TENM2: variants seen among roughly 807,000 people sequenced by gnomAD.
TENM2 encodes teneurin transmembrane protein 2.
A neutral mutation model predicts 245.2 loss-of-function variants in TENM2; 52 were observed. The observed-to-expected ratio is 0.21, with a 90% CI of 0.17 to 0.27. TENM2 has a LOEUF of 0.27. Among genes scored for constraint, TENM2 ranks in the 10% least tolerant of loss-of-function variants. TENM2 has a pLI of 1.00. For missense variants in TENM2, 3,046 were observed against 3,666.8 expected (o/e 0.83, Z 4.37); for synonymous variants, 1,363 against 1,438.9 (o/e 0.95, Z 1.19).
At chr5:167,869,469 A>G (rs1462350096) in intron 2 of TENM2, among the ~76,000 whole-genome samples, 1 of 152,214 alleles carries the variant, frequency 6.6e-6, no homozygotes, top group Non-Finnish European at 1.5e-5. Flanking sequence ...TGAACAACTG[A>G]CAGTGTGGGT....
At chr5:167,568,304 A>C (rs1181112832) in intron 2 of TENM2, among the ~76,000 whole-genome samples, 2 of 152,168 alleles carry the variant, frequency 1.3e-5, no homozygotes, top group African/African-American at 4.8e-5. Flanking sequence ...AAAGGAAAAC[A>C]TAGGGAGATA....
intron 2 of TENM2, among the ~76,000 whole-genome samples, chr5:167,534,956 G>A (rs1582316206): frequency 6.6e-6 from 1 of 152,124 alleles, no homozygotes; most frequent in East Asian, 1.9e-4. Flanking sequence ...ATCTTTGTCA[G>A]TTGGCAGCAT....
At chr5:167,689,409 A>T (rs1051644617) in intron 2 of TENM2, among the ~76,000 whole-genome samples, 1 of 152,230 alleles carries the variant, frequency 6.6e-6, no homozygotes, top group Non-Finnish European at 1.5e-5. Context: ...TAGGAACCTC[A>T]GTACACACAC....
chr5:167,589,577 T>C (rs1775741073), intron 2 of TENM2, among the ~76,000 whole-genome samples: 1 of 152,008 alleles, frequency 6.6e-6, no homozygotes, highest in Non-Finnish European at 1.5e-5. Flanking sequence ...TTTTAAACTA[T>C]AAAAGTAGAA....
intron 1 of TENM2, among the ~76,000 whole-genome samples, chr5:167,298,157 G>A (rs12055340): frequency 0.095 from 14,458 of 152,162 alleles, 921 homozygotes; most frequent in Middle Eastern, 0.16. Context: ...GGGCTGCCTC[G>A]AGCGGGATTG....
chr5:167,583,508 A>ACC (rs1322017771), intron 2 of TENM2, among the ~76,000 whole-genome samples: 3 of 151,288 alleles, frequency 2.0e-5, no homozygotes, highest in Non-Finnish European at 4.4e-5. Context: ...ACACACACAC[A>ACC]CACCCCAAAC....
At chr5:168,184,395 CA>C (rs2152497403) in intron 13 of TENM2, among the ~76,000 whole-genome samples, 1 of 152,294 alleles carries the variant, frequency 6.6e-6, no homozygotes, top group East Asian at 1.9e-4. Context: ...CCATCTCCAC[CA>C]CTCTGTCACA....
At chr5:167,011,099 A>G in the TENM2 span, among the ~76,000 whole-genome samples, 1 of 152,220 alleles carries the variant, frequency 6.6e-6, no homozygotes, top group East Asian at 1.9e-4. Flanking sequence ...ACATATTGAC[A>G]TATAAATTAT....
intron 1 of TENM2, among the ~76,000 whole-genome samples, chr5:167,321,902 C>T (rs1045942529): frequency 6.8e-6 from 1 of 147,388 alleles, no homozygotes; most frequent in African/African-American, 2.5e-5. Flanking sequence ...GATCTCGGCT[C>T]ACTGCAACCT....
chr5:167,195,145 C>G, the TENM2 span, among the ~76,000 whole-genome samples: 278 of 152,014 alleles, frequency 1.8e-3, no homozygotes, highest in African/African-American at 6.1e-3. Context: ...AAAAGTGCCC[C>G]CACCAGAAAA....
At chr5:168,095,268 A>T (rs1793271298) in intron 8 of TENM2, among the ~76,000 whole-genome samples, 1 of 152,110 alleles carries the variant, frequency 6.6e-6, no homozygotes, top group Non-Finnish European at 1.5e-5. Flanking sequence ...TCCCTGGATG[A>T]TCCATCTCTC....
Position 168,244,708 on chromosome 5 carries a change from C to T in TENM2, c.5809C>T (p.Leu1937Phe). Residue 1937 changes from leucine (L) to phenylalanine (F), a missense_variant, in exon 26 of 29, where the codon CTT (leucine) becomes TTT (phenylalanine). Around this residue, in one of 2 missense-constraint regions of TENM2, gnomAD observed 2,704 missense variants for 3,331.9 expected, o/e 0.81. Transcript: ENST00000518659. The surrounding 1 kb of genome is among the most constrained non-coding windows in gnomAD (Gnocchi z 4.9). Reference sequence around the variant, plus strand: ...CGGGAAAGTGTGGAGCTACTCCTACCTTGACAAGGTAGGTGAACATGCTGC... The same window carrying T: ...CGGGAAAGTGTGGAGCTACTCCTACTTTGACAAGGTAGGTGAACATGCTGC... 6.9e-7 allele frequency: 1 copy of T among 1,455,648 alleles called. No individual in the cohort carries two copies. The highest frequency in any genetic ancestry group is 1.4e-5 in the African/African-American group (1 of 70,310). The allele number at this position is 1,455,648 out of a possible 1,614,324, so 90.2% of individuals were successfully genotyped here.
the TENM2 span, among the ~76,000 whole-genome samples, chr5:167,232,601 G>A: frequency 6.6e-6 from 1 of 152,128 alleles, no homozygotes; most frequent in Non-Finnish European, 1.5e-5. Context: ...TCAAACTCCT[G>A]ACCTTGTGAT....
chr5:167,701,993 A>G (rs1009731471), intron 2 of TENM2, among the ~76,000 whole-genome samples: 7 of 152,164 alleles, frequency 4.6e-5, no homozygotes, highest in Non-Finnish European at 1.0e-4. Flanking sequence ...GCTTTAATCA[A>G]CCCATCAGGC....
chr5:168,001,146 C>G (rs1439762309), intron 5 of TENM2, among the ~76,000 whole-genome samples: 1 of 152,202 alleles, frequency 6.6e-6, no homozygotes, highest in African/African-American at 2.4e-5. Flanking sequence ...CCTAGCTTCA[C>G]TGTTCCCCTA....
chr5:167,066,743 T>C, the TENM2 span, among the ~76,000 whole-genome samples: 1 of 152,150 alleles, frequency 6.6e-6, no homozygotes, highest in Admixed American at 6.6e-5. Flanking sequence ...ATTTCAAATT[T>C]CCTGAAAATG....
chr5:167,290,950 C>A (rs1344023901), intron 1 of TENM2, among the ~76,000 whole-genome samples: 1 of 152,028 alleles, frequency 6.6e-6, no homozygotes, highest in Non-Finnish European at 1.5e-5. Flanking sequence ...ACTTTATGGG[C>A]AATAATTTGG....
chr5:168,118,202 C>T (rs1795219201), intron 9 of TENM2, 90 bp from the exon 12 acceptor site: 2 of 1,136,714 alleles, frequency 1.8e-6, no homozygotes, highest in African/African-American at 3.1e-5. Flanking sequence ...AGCCAAGCCC[C>T]AAGGCCAGAC....
At chr5:167,157,685 A>G in the TENM2 span, among the ~76,000 whole-genome samples, 2 of 152,248 alleles carry the variant, frequency 1.3e-5, no homozygotes, top group African/African-American at 2.4e-5. Flanking sequence ...ACTACATGGT[A>G]GAATTGCTAC....
Sources: gnomAD v4.1 joint callset for allele counts (sites outside exome capture counted in the v4.1 genomes callset) on GRCh38, gnomAD v4.1.1 for gene constraint, gnomAD v4.1.1 regional missense constraint, Gnocchi (gnomAD v3.1) non-coding constraint, MANE v1.5 for transcripts, NCBI Gene and HGNC (gene_info 2026-07-23, HGNC 2026-07-21) for gene names.